Variants in CNBD1 observed in about 807,000 individuals in gnomAD.
The protein encoded by CNBD1 is cyclic nucleotide binding domain containing 1.
A neutral mutation model predicts 54.4 loss-of-function variants in CNBD1; 71 were observed. The ratio of observed to expected loss-of-function variants is 1.30; its 90% CI spans 1.08 to 1.59. The LOEUF (loss-of-function observed/expected upper bound fraction) is 1.59. Among genes scored for constraint, CNBD1 ranks in the 40% most tolerant of loss-of-function variants. The pLI, the probability that CNBD1 is intolerant of heterozygous loss-of-function variation, is 0.00. For missense variants in CNBD1, 659 were observed against 518.0 expected (o/e 1.27, Z -2.64); for synonymous variants, 182 against 170.7 (o/e 1.07, Z -0.51).
chr8:87,410,607 T>C (rs2130984451), intron 2 of CNBD1, among the ~76,000 whole-genome samples: 1 of 152,264 alleles, frequency 6.6e-6, no homozygotes, highest in East Asian at 1.9e-4. Flanking sequence ...GAATATTACA[T>C]AAACTTAGTG....
At chr8:86,885,473 T>G (rs1276178140) in intron 1 of CNBD1, among the ~76,000 whole-genome samples, 2 of 152,136 alleles carry the variant, frequency 1.3e-5, no homozygotes, top group Non-Finnish European at 2.9e-5. Context: ...TCTGCTTCTG[T>G]CAAAAGCCAG....
intron 4 of CNBD1, among the ~76,000 whole-genome samples, chr8:86,967,175 C>T (rs1280928239): frequency 6.6e-6 from 1 of 152,198 alleles, no homozygotes; most frequent in Non-Finnish European, 1.5e-5. Flanking sequence ...AGAAAAAGTG[C>T]GTGTGGGGGG....
intron 1 of CNBD1, among the ~76,000 whole-genome samples, chr8:86,886,238 A>G (rs757014889): frequency 2.0e-5 from 3 of 152,162 alleles, no homozygotes; most frequent in South Asian, 2.1e-4. Flanking sequence ...TTAAGATTTT[A>G]TATATCAGAA....
At chr8:87,426,566 T>C (rs1031716915) in intron 2 of CNBD1, among the ~76,000 whole-genome samples, 3 of 152,230 alleles carry the variant, frequency 2.0e-5, no homozygotes, top group African/African-American at 7.2e-5. Context: ...TATCCACTTT[T>C]ACTTTTTTAT....
chr8:87,371,860 G>C (rs887692880), intron 10 of CNBD1, among the ~76,000 whole-genome samples: 2 of 151,858 alleles, frequency 1.3e-5, no homozygotes, highest in African/African-American at 4.8e-5. Context: ...AGCTATCTAT[G>C]ACAAACCCAC....
intron 6 of CNBD1, among the ~76,000 whole-genome samples, chr8:87,255,996 TA>T (rs1563525990): frequency 3.5e-3 from 53 of 15,244 alleles, no homozygotes; most frequent in African/African-American, 0.012. Flanking sequence ...TATATATATA[TA>T]TATATATATA....
intron 10 of CNBD1, among the ~76,000 whole-genome samples, chr8:87,379,630 G>C (rs1246243944): frequency 6.6e-6 from 1 of 151,838 alleles, no homozygotes; most frequent in Non-Finnish European, 1.5e-5. Context: ...GAAAACATTA[G>C]CAAATAATGT....
At chr8:87,048,615 G>A (rs555722294) in intron 4 of CNBD1, among the ~76,000 whole-genome samples, 11 of 152,204 alleles carry the variant, frequency 7.2e-5, no homozygotes, top group African/African-American at 2.4e-4. Flanking sequence ...AAAACAAGAA[G>A]TTATCTCATT....
At chr8:87,043,353 A>G (rs933096385) in intron 4 of CNBD1, among the ~76,000 whole-genome samples, 6 of 152,214 alleles carry the variant, frequency 3.9e-5, no homozygotes, top group Admixed American at 6.5e-5. Flanking sequence ...AGTCTGATAT[A>G]ATGAGAGAGA....
intron 3 of CNBD1, among the ~76,000 whole-genome samples, 164 bp downstream of exon 3, chr8:86,905,358 T>A (rs543907567): frequency 6.6e-6 from 1 of 152,130 alleles, no homozygotes. Flanking sequence ...TTGGTAAGGG[T>A]AAATTCAATT....
chr8:86,972,111 C>G (rs1044309495), intron 4 of CNBD1, among the ~76,000 whole-genome samples: 8 of 152,022 alleles, frequency 5.3e-5, no homozygotes, highest in East Asian at 3.9e-4. Flanking sequence ...GCCACCATGC[C>G]TGGCTAATTT....
At chr8:87,120,059 C>A (rs1400180996) in intron 4 of CNBD1, among the ~76,000 whole-genome samples, 2 of 151,950 alleles carry the variant, frequency 1.3e-5, no homozygotes, top group African/African-American at 2.4e-5. Flanking sequence ...GTGTTCTCAT[C>A]TGAATTTGGT....
chr8:87,396,528 G>C (rs1437528552), intron 2 of CNBD1, among the ~76,000 whole-genome samples: 2 of 151,814 alleles, frequency 1.3e-5, no homozygotes, highest in East Asian at 1.9e-4. Context: ...TACCAGGAAT[G>C]AGAAGAATTG....
intron 5 of CNBD1, among the ~76,000 whole-genome samples, chr8:87,232,524 A>G (rs1275324960): frequency 6.6e-6 from 1 of 152,138 alleles, no homozygotes; most frequent in Non-Finnish European, 1.5e-5. Context: ...TGATTTGTAT[A>G]AGTATGGGTG....
chr8:87,090,385 A>G (rs927282997), intron 4 of CNBD1, among the ~76,000 whole-genome samples: 1 of 152,198 alleles, frequency 6.6e-6, no homozygotes, highest in Non-Finnish European at 1.5e-5. Flanking sequence ...TACAGTGTTC[A>G]CCAATATCCT....
intron 4 of CNBD1, among the ~76,000 whole-genome samples, chr8:87,139,884 T>C (rs1479143108): frequency 1.3e-5 from 2 of 152,136 alleles, no homozygotes; most frequent in African/African-American, 4.8e-5. Context: ...CTGACTATGA[T>C]GAACATATTG....
chr8:87,357,358 T>C (rs775490968), intron 10 of CNBD1, among the ~76,000 whole-genome samples: 2 of 152,114 alleles, frequency 1.3e-5, no homozygotes, highest in Non-Finnish European at 2.9e-5. Context: ...CTCCAACCCA[T>C]GAAAGAAGCC....
At position 86,875,382 on chromosome 8, in the gene CNBD1, A is replaced by G. The variant is rs546950630; in HGVS notation, c.88+8799A>G. On this transcript the variant is annotated intron_variant, in intron 1 of 10. Coordinates refer to ENST00000518476, the MANE Select transcript of CNBD1 (RefSeq NM_173538.3). ...CTTTCACCCTACCTACTCCTGGTATAGATGTCTACCATCTGCTGCTGTCAC... is the reference window on the plus strand; with the variant it reads ...CTTTCACCCTACCTACTCCTGGTATGGATGTCTACCATCTGCTGCTGTCAC... Among the ~76,000 whole-genome samples, 5 of 152,272 alleles carry G rather than the reference A, an allele frequency of 3.3e-5. No individual in the cohort carries two copies. The East Asian group carries it at 9.7e-4, about 29-fold the overall frequency.
chr8:87,094,536 A>T (rs1323627219), intron 4 of CNBD1, among the ~76,000 whole-genome samples: 2 of 151,470 alleles, frequency 1.3e-5, no homozygotes, highest in Non-Finnish European at 2.9e-5. Flanking sequence ...ATGTTGGCAG[A>T]TTTATTCATT....
Sources: gnomAD v4.1 joint callset for allele counts (sites outside exome capture counted in the v4.1 genomes callset) on GRCh38, gnomAD v4.1.1 for gene constraint, MANE v1.5 for transcripts, NCBI Gene and HGNC (gene_info 2026-07-23, HGNC 2026-07-21) for gene names.